CNOT2: variants seen among roughly 807,000 people sequenced by gnomAD.
CNOT2 encodes the protein CCR4-NOT transcription complex subunit 2.
In CNOT2, 7 loss-of-function variants were observed where a neutral mutation model predicts 72.1. The ratio of observed to expected loss-of-function variants is 0.10; its 90% CI spans 0.06 to 0.18. The LOEUF (loss-of-function observed/expected upper bound fraction) is 0.18, where lower values mean the gene tolerates loss of function less well. CNOT2 is among the 10% of genes least tolerant of loss of function. CNOT2 has a pLI of 1.00. For synonymous variants in CNOT2, 196 were observed against 225.6 expected, an observed-to-expected ratio of 0.87 and a Z score of 1.17; for missense variants, 345 against 660.3, an observed-to-expected ratio of 0.52 and a Z score of 5.23.
intron 13 of CNOT2, chr12:70,343,844 C>A: frequency 3.6e-6 from 1 of 277,168 alleles, no homozygotes; most frequent in Non-Finnish European, 6.7e-6. Flanking sequence ...GTATTAAATC[C>A]TTTTAGTGGA....
intron 6 of CNOT2, chr12:70,331,032 G>T (rs1162518131): frequency 1.3e-5 from 2 of 151,942 alleles, no homozygotes; most frequent in Non-Finnish European, 2.9e-5. Flanking sequence ...TTGCGAATAA[G>T]AGGAGTTACT....
At chr12:70,257,033 AT>A (rs143994372) in intron 1 of CNOT2, among the ~76,000 whole-genome samples, 14,773 of 150,236 alleles carry the variant, frequency 0.098, 911 homozygotes, top group Middle Eastern at 0.19. Flanking sequence ...TGAACATTTT[AT>A]TTTTTTTTTA....
At chr12:70,310,874 A>G (rs192745125) in intron 2 of CNOT2, 21 bp from the exon 3 acceptor site, 3 of 1,608,022 alleles carry the variant, frequency 1.9e-6, no homozygotes, top group East Asian at 2.2e-5. Flanking sequence ...TACCCCTGAT[A>G]AAAGTAATAT....
At chr12:70,249,692 A>G (rs1245300256) in intron 1 of CNOT2, among the ~76,000 whole-genome samples, 3 of 152,084 alleles carry the variant, frequency 2.0e-5, no homozygotes, top group Non-Finnish European at 4.4e-5. Flanking sequence ...TTTTTGTTTC[A>G]AGCTTGACTT....
chr12:70,295,664 G>T (rs1385948864), intron 2 of CNOT2, among the ~76,000 whole-genome samples: 2 of 151,864 alleles, frequency 1.3e-5, no homozygotes, highest in African/African-American at 2.4e-5. Flanking sequence ...TTAATTTTAG[G>T]CTCTATTATG....
At chr12:70,307,518 G>A (rs1875641216) in intron 2 of CNOT2, among the ~76,000 whole-genome samples, 1 of 151,980 alleles carries the variant, frequency 6.6e-6, no homozygotes, top group African/African-American at 2.4e-5. Flanking sequence ...TGTATATATG[G>A]TCCATCATTG....
At chr12:70,339,048 GTGCA>G (rs1295654189) in intron 11 of CNOT2, among the ~76,000 whole-genome samples, 2 of 135,734 alleles carry the variant, frequency 1.5e-5, no homozygotes, top group African/African-American at 5.8e-5. Flanking sequence ...GTGTGTGTGT[GTGCA>G]TGTGCATGTA....
chr12:70,329,853 A>G (rs1011936016), intron 5 of CNOT2, among the ~76,000 whole-genome samples: 11 of 152,022 alleles, frequency 7.2e-5, no homozygotes, highest in African/African-American at 2.2e-4. Flanking sequence ...TCAAAGGAAT[A>G]TGTGCAATTT....
chr12:70,335,400 T>C, intron 7 of CNOT2, 38 bp from the exon 8 acceptor site: 1 of 1,467,202 alleles, frequency 6.8e-7, no homozygotes, highest in Non-Finnish European at 9.5e-7. Flanking sequence ...AAAAAATATT[T>C]GTAGAATCAA....
At chr12:70,338,290 A>T in intron 9 of CNOT2, 153 bp from the exon 10 acceptor site, 1 of 617,948 alleles carries the variant, frequency 1.6e-6, no homozygotes, top group Non-Finnish European at 2.7e-6. Context: ...TGGAACAATG[A>T]TGGAAACAAT....
At chr12:70,284,981 C>T (rs61929914) in intron 2 of CNOT2, among the ~76,000 whole-genome samples, 2 of 152,110 alleles carry the variant, frequency 1.3e-5, no homozygotes, top group Non-Finnish European at 2.9e-5. Flanking sequence ...TCTAGTAGCA[C>T]CCCTGTGTGT....
At chr12:70,320,105 A>G (rs1878042208) in intron 4 of CNOT2, among the ~76,000 whole-genome samples, 1 of 151,698 alleles carries the variant, frequency 6.6e-6, no homozygotes. Context: ...TGTTAATGTC[A>G]GATCTGTTGA....
intron 4 of CNOT2, among the ~76,000 whole-genome samples, chr12:70,327,261 G>T (rs1407961358): frequency 2.0e-5 from 3 of 151,620 alleles, no homozygotes; most frequent in Admixed American, 6.6e-5. Context: ...TAGGTATGAC[G>T]ATGAGAGAGA....
rs553894629 is a variant in CNOT2 at position 70,252,785 on chromosome 12, CAAAG to C, written c.-96+9309_-96+9312del. Among the ~76,000 whole-genome samples, 22 of 152,124 alleles carry C rather than the reference CAAAG, an allele frequency of 1.4e-4. No homozygotes were observed. In the South Asian group the frequency reaches 4.6e-3, roughly 32 times the overall value. On this transcript the variant is annotated intron_variant, in intron 1 of 15. Coordinates refer to ENST00000229195, the MANE Select transcript of CNOT2 (RefSeq NM_014515.7). ...GTAGATAAAAATAAATAAATAAAAACAAAGAAAAATGTAGATAAATAACAATACT... is the reference window on the plus strand; with the variant it reads ...GTAGATAAAAATAAATAAATAAAAACAAAAATGTAGATAAATAACAATACT...
intron 15 of CNOT2, among the ~76,000 whole-genome samples, chr12:70,349,724 G>T (rs1039742469): frequency 6.6e-6 from 1 of 152,084 alleles, no homozygotes; most frequent in African/African-American, 2.4e-5. Context: ...CATTGGTTGG[G>T]CATGGTGGCT....
chr12:70,269,562 T>C (rs1004601528), intron 1 of CNOT2, among the ~76,000 whole-genome samples: 43 of 152,174 alleles, frequency 2.8e-4, no homozygotes, highest in African/African-American at 9.9e-4. Flanking sequence ...CGAAGTCTAC[T>C]GGTATATAGT....
intron 2 of CNOT2, among the ~76,000 whole-genome samples, chr12:70,284,715 C>G (rs1447059479): frequency 6.6e-6 from 1 of 151,874 alleles, no homozygotes; most frequent in Non-Finnish European, 1.5e-5. Flanking sequence ...AAGTGTTAAC[C>G]TTTCTTTGAA....
At chr12:70,347,692 A>G (rs1471073727) in intron 15 of CNOT2, 2 of 152,044 alleles carry the variant, frequency 1.3e-5, no homozygotes, top group African/African-American at 4.8e-5. Flanking sequence ...AGATCCACAT[A>G]AGAAATTAAA....
chr12:70,273,888 A>G (rs540655321), intron 1 of CNOT2, among the ~76,000 whole-genome samples: 38 of 152,246 alleles, frequency 2.5e-4, no homozygotes, highest in African/African-American at 8.7e-4. Flanking sequence ...CACTGTGGAA[A>G]ATGGAAGACA....
Sources: allele counts gnomAD v4.1 joint callset (sites outside exome capture counted in the v4.1 genomes callset), GRCh38; gene constraint gnomAD v4.1.1; transcripts MANE v1.5; gene names NCBI Gene and HGNC (gene_info 2026-07-23, HGNC 2026-07-21).